The following SLC38A6 variants were observed in gnomAD, a reference collection of about 807,000 sequenced individuals.
SLC38A6 encodes solute carrier family 38 member 6.
Under a neutral mutation model 65.0 loss-of-function variants are expected in SLC38A6, and 73 were observed. That is an observed-to-expected ratio of 1.12 (90% CI 0.93 to 1.37). The LOEUF (loss-of-function observed/expected upper bound fraction) is 1.37. Ranked by LOEUF, SLC38A6 falls within the 40% of genes most tolerant of loss-of-function variation. The pLI, the probability that SLC38A6 is intolerant of heterozygous loss-of-function variation, is 0.00. For synonymous variants in SLC38A6, 183 were observed against 178.8 expected, an observed-to-expected ratio of 1.02 and a Z score of -0.19; for missense variants, 561 against 531.1, an observed-to-expected ratio of 1.06 and a Z score of -0.55.
At chr14:61,064,913 G>C (rs1200222539) in intron 15 of SLC38A6, among the ~76,000 whole-genome samples, 1 of 152,078 alleles carries the variant, frequency 6.6e-6, no homozygotes, top group Non-Finnish European at 1.5e-5. Context: ...ATTTTTAACA[G>C]AATGTTTACT....
intron 3 of SLC38A6, among the ~76,000 whole-genome samples, chr14:61,008,767 A>T (rs997088745): frequency 3.3e-5 from 5 of 152,162 alleles, no homozygotes; most frequent in African/African-American, 1.2e-4. Context: ...CAATTATGGG[A>T]TAAGAGTATT....
chr14:61,007,700 C>G (rs1330181528), intron 3 of SLC38A6, among the ~76,000 whole-genome samples: 14 of 7,278 alleles, frequency 1.9e-3, no homozygotes, highest in Admixed American at 0.012. Flanking sequence ...AAAATGAACA[C>G]CGATATAAGT....
rs570079691 is a variant in SLC38A6 at position 61,033,256 on chromosome 14, A to T, written c.482+2733A>T. 3.3e-5 allele frequency among the ~76,000 whole-genome samples: 5 copies of T among 152,118 alleles called. No homozygotes were observed. In the East Asian group the frequency reaches 7.7e-4, roughly 24 times the overall value. On this transcript the variant is annotated intron_variant, in intron 6 of 15. Coordinates refer to ENST00000267488, the MANE Select transcript of SLC38A6 (RefSeq NM_153811.3). The stretch of plus-strand genomic sequence containing the variant: ...TCCTTTCGAGAATGAAATTAAAGCG[A>T]CTTATAAATAAATCTGGTTTTCATT...
intron 12 of SLC38A6, among the ~76,000 whole-genome samples, chr14:61,048,545 C>T (rs2042303263): frequency 6.6e-6 from 1 of 152,122 alleles, no homozygotes; most frequent in Non-Finnish European, 1.5e-5. Context: ...GAGTGACTGG[C>T]TCAGAAGAAG....
At chr14:61,043,859 A>G (rs995572073) in intron 10 of SLC38A6, among the ~76,000 whole-genome samples, 44 of 152,212 alleles carry the variant, frequency 2.9e-4, no homozygotes, top group Admixed American at 2.7e-3. Flanking sequence ...CTAAATAGCC[A>G]ATTATATCAA....
chr14:61,009,491 C>T (rs1483982978), intron 3 of SLC38A6, among the ~76,000 whole-genome samples: 1 of 152,118 alleles, frequency 6.6e-6, no homozygotes, highest in Non-Finnish European at 1.5e-5. Context: ...CACCCATTAA[C>T]TCATCATTTA....
chr14:61,036,860 C>A (rs1411984379), intron 6 of SLC38A6, among the ~76,000 whole-genome samples, 199 bp from the exon 7 acceptor site: 1 of 151,582 alleles, frequency 6.6e-6, no homozygotes, highest in Non-Finnish European at 1.5e-5. Flanking sequence ...TTATTCATTT[C>A]TAAATGTCAA....
intron 6 of SLC38A6, 147 bp downstream of exon 6, chr14:61,030,670 A>G: frequency 1.7e-6 from 1 of 575,692 alleles, no homozygotes; most frequent in East Asian, 3.0e-5. Flanking sequence ...GAAGTGAAGC[A>G]GTAATAGAAT....
chr14:61,031,343 T>C (rs905317534), intron 6 of SLC38A6, among the ~76,000 whole-genome samples: 3 of 152,186 alleles, frequency 2.0e-5, no homozygotes, highest in African/African-American at 7.2e-5. Context: ...GCTTCAATAA[T>C]TGAACTTGTT....
intron 16 of SLC38A6, among the ~76,000 whole-genome samples, chr14:61,082,526 G>C (rs1324561613): frequency 6.6e-6 from 1 of 152,176 alleles, no homozygotes; most frequent in Non-Finnish European, 1.5e-5. Flanking sequence ...CTCATGCCGA[G>C]CTTAGGTGCC....
intron 3 of SLC38A6, among the ~76,000 whole-genome samples, chr14:60,985,536 G>A (rs936652025): frequency 1.3e-5 from 2 of 151,982 alleles, no homozygotes; most frequent in African/African-American, 4.8e-5. Context: ...TTTGTCTTTG[G>A]ATTAGGTCAG....
chr14:60,998,053 C>A (rs2038418349), intron 3 of SLC38A6, among the ~76,000 whole-genome samples: 1 of 138,020 alleles, frequency 7.2e-6, no homozygotes, highest in African/African-American at 2.6e-5. Context: ...AATACATAAG[C>A]AAATAATTTA....
intron 3 of SLC38A6, among the ~76,000 whole-genome samples, chr14:60,996,402 G>A (rs2038296340): frequency 6.6e-6 from 1 of 152,118 alleles, no homozygotes; most frequent in African/African-American, 2.4e-5. Flanking sequence ...TAGTTCAATT[G>A]TTGGGTTGGG....
At chr14:61,044,430 A>G (rs891751683) in intron 10 of SLC38A6, among the ~76,000 whole-genome samples, 1 of 152,218 alleles carries the variant, frequency 6.6e-6, no homozygotes, top group African/African-American at 2.4e-5. Flanking sequence ...AAACTGAGCA[A>G]TATATGAAAT....
At chr14:61,005,966 G>T (rs916111751) in intron 3 of SLC38A6, among the ~76,000 whole-genome samples, 2 of 152,108 alleles carry the variant, frequency 1.3e-5, no homozygotes, top group African/African-American at 4.8e-5. Context: ...CATGGTACTG[G>T]TACCAAAACA....
At chr14:60,983,102 AG>A (rs1439023405) in intron 2 of SLC38A6, among the ~76,000 whole-genome samples, 2 of 152,174 alleles carry the variant, frequency 1.3e-5, no homozygotes, top group African/African-American at 4.8e-5. Flanking sequence ...TTCAGGACTT[AG>A]CTTGTAGGCC....
chr14:61,069,949 A>G (rs1469898353), intron 15 of SLC38A6, among the ~76,000 whole-genome samples: 1 of 152,204 alleles, frequency 6.6e-6, no homozygotes, highest in Non-Finnish European at 1.5e-5. Context: ...CAAGGAGAAT[A>G]CACGGATATA....
chr14:61,012,946 T>C (rs998908433), intron 3 of SLC38A6, among the ~76,000 whole-genome samples: 1 of 152,186 alleles, frequency 6.6e-6, no homozygotes, highest in East Asian at 1.9e-4. Context: ...CCTTGTTAAC[T>C]TTCTGTCTCG....
Position 61,072,460 on chromosome 14 carries a change from A to G in SLC38A6, c.1291-6350A>G, listed in dbSNP as rs185465001. ...TAGTCATCCTGTTATGCTATCAAAT[A>G]GTAGGTCTTACTCATATTTTCTATT... On this transcript the variant is annotated intron_variant, in intron 15 of 16. Transcript: ENST00000354886. 3.8e-3 allele frequency among the ~76,000 whole-genome samples: 575 copies of G among 152,296 alleles called. 4 individuals carry two copies. The highest frequency in any genetic ancestry group is 0.013 in the African/African-American group (528 of 41,554).
Sources: allele counts gnomAD v4.1 joint callset (sites outside exome capture counted in the v4.1 genomes callset), GRCh38; gene constraint gnomAD v4.1.1; transcripts MANE v1.5; gene names NCBI Gene and HGNC (gene_info 2026-07-23, HGNC 2026-07-21).